C2orf49: variants seen among roughly 807,000 people sequenced by gnomAD.
C2orf49 encodes the protein tRNA splicing ligase complex subunit 2.
Under a neutral mutation model 20.6 loss-of-function variants are expected in C2orf49, and 11 were observed. The ratio of observed to expected loss-of-function variants is 0.53; its 90% CI spans 0.34 to 0.88. The LOEUF (loss-of-function observed/expected upper bound fraction) is 0.88, where lower values mean the gene tolerates loss of function less well. C2orf49 is among the 40% of genes least tolerant of loss of function. The pLI is 0.02. For missense variants in C2orf49, 289 were observed against 274.2 expected (o/e 1.05, Z -0.38); for synonymous variants, 134 against 108.5 (o/e 1.24, Z -1.46).
At chr2:105,339,522 G>C in intron 1 of C2orf49, 61 bp from the exon 2 acceptor site, 1 of 1,471,108 alleles carries the variant, frequency 6.8e-7, no homozygotes, top group Non-Finnish European at 9.3e-7. Context: ...GTTAGGTAAG[G>C]TGGTTACTTG....
chr2:105,365,663 C>T, the C2orf49 span, among the ~76,000 whole-genome samples: 1 of 147,804 alleles, frequency 6.8e-6, no homozygotes, highest in South Asian at 2.1e-4. Context: ...AGTGAGACAC[C>T]GTCTCTACTA....
the C2orf49 span, among the ~76,000 whole-genome samples, chr2:105,362,828 A>G: frequency 6.6e-6 from 1 of 152,238 alleles, no homozygotes; most frequent in African/African-American, 2.4e-5. Context: ...AAAACTCCTT[A>G]GAATGTACCC....
chr2:105,379,254 G>A, the C2orf49 span, among the ~76,000 whole-genome samples: 3 of 152,150 alleles, frequency 2.0e-5, no homozygotes, highest in Non-Finnish European at 2.9e-5. Flanking sequence ...ACAGTTGCTG[G>A]TATGTATTAC....
rs750576144 is a variant in C2orf49, at chr2:105,342,948, A to G, written c.367A>G (p.Asn123Asp). The change falls in exon 3 of 4, where the codon AAT (asparagine) becomes GAT (aspartate). Residue 123 changes from asparagine to aspartate, a missense_variant. Coordinates refer to ENST00000258457, the MANE Select transcript of C2orf49 (RefSeq NM_024093.3). ...AGTGAAAAAGACAGAGAATGGAGAT[A>G]ATGATCGACTGAAGCCTCCCCCGCA... is the stretch of plus-strand genomic sequence containing the variant. The part of the protein sequence containing the change: ...IKVKKTENGD[N>D]DRLKPPPQAS... 6.2e-7 allele frequency: 1 copy of G among 1,614,252 alleles called. No individual in the cohort carries two copies. The highest frequency in any genetic ancestry group is 8.5e-7 in the Non-Finnish European group (1 of 1,180,048).
downstream of C2orf49, among the ~76,000 whole-genome samples, chr2:105,351,157 A>G (rs1263862192): frequency 1.3e-5 from 2 of 152,084 alleles, no homozygotes; most frequent in African/African-American, 4.8e-5. Context: ...ACAGAGGTAA[A>G]TTGCCATTTT....
At chr2:105,342,368 A>G (rs1384163094) in intron 2 of C2orf49, among the ~76,000 whole-genome samples, 2 of 152,252 alleles carry the variant, frequency 1.3e-5, no homozygotes, top group East Asian at 3.8e-4. Context: ...AGTTACGATT[A>G]GTTTAGAAAA....
chr2:105,351,112 A>G (rs991963932), downstream of C2orf49, among the ~76,000 whole-genome samples: 1 of 152,116 alleles, frequency 6.6e-6, no homozygotes, highest in Non-Finnish European at 1.5e-5. Context: ...TTTTCTCATG[A>G]CTAGACTGGG....
At chr2:105,355,479 A>T in the C2orf49 span, among the ~76,000 whole-genome samples, 16 of 152,348 alleles carry the variant, frequency 1.1e-4, 1 homozygote, top group East Asian at 2.1e-3. Flanking sequence ...AGTCAGAGTT[A>T]TCCTTGCATA....
At chr2:105,356,872 G>C in the C2orf49 span, among the ~76,000 whole-genome samples, 1 of 152,118 alleles carries the variant, frequency 6.6e-6, no homozygotes, top group African/African-American at 2.4e-5. Context: ...TGAGTTTATT[G>C]AGCTTCTTGA....
At chr2:105,374,012 C>G in the C2orf49 span, 1 of 463,998 alleles carries the variant, frequency 2.2e-6, no homozygotes. Flanking sequence ...AAAGGGATTT[C>G]CCTTATGTAT....
chr2:105,373,616 A>G, the C2orf49 span: 63 of 1,614,094 alleles, frequency 3.9e-5, no homozygotes, highest in Non-Finnish European at 5.2e-5. Context: ...TTGGAATAGC[A>G]GTCTGTACAG....
the C2orf49 span, among the ~76,000 whole-genome samples, chr2:105,385,066 G>A: frequency 6.6e-6 from 1 of 152,196 alleles, no homozygotes; most frequent in South Asian, 2.1e-4. Flanking sequence ...TTTGCTTATG[G>A]TATTTCAAAG....
the C2orf49 span, among the ~76,000 whole-genome samples, chr2:105,366,284 G>A: frequency 6.6e-6 from 1 of 152,176 alleles, no homozygotes; most frequent in Admixed American, 6.5e-5. Context: ...ACTTAGAAAA[G>A]GTGTGGGCAA....
At chr2:105,381,358 C>G in the C2orf49 span, among the ~76,000 whole-genome samples, 1 of 152,176 alleles carries the variant, frequency 6.6e-6, no homozygotes. Context: ...CGTTAACTCA[C>G]TCAATTACCC....
intron 2 of C2orf49, among the ~76,000 whole-genome samples, chr2:105,342,612 T>C (rs1250907044): frequency 6.6e-6 from 1 of 152,246 alleles, no homozygotes; most frequent in Non-Finnish European, 1.5e-5. Context: ...TAGCTGCATG[T>C]TGTGTATACA....
At chr2:105,367,518 A>T in the C2orf49 span, 194 of 1,550,706 alleles carry the variant, frequency 1.3e-4, no homozygotes, top group Non-Finnish European at 8.8e-7. Flanking sequence ...GACATGGACC[A>T]TGGAGGCAAA....
chr2:105,374,152 T>C, the C2orf49 span: 2 of 255,702 alleles, frequency 7.8e-6, no homozygotes, highest in Admixed American at 1.0e-4. Context: ...ATCACTGTGG[T>C]CACCGGCATG....
chr2:105,377,171 G>T, the C2orf49 span, among the ~76,000 whole-genome samples: 1 of 152,150 alleles, frequency 6.6e-6, no homozygotes, highest in Non-Finnish European at 1.5e-5. Flanking sequence ...AATACTAGGC[G>T]TAAATGGGCT....
chr2:105,384,584 T>G, the C2orf49 span, among the ~76,000 whole-genome samples: 1 of 152,276 alleles, frequency 6.6e-6, no homozygotes, highest in South Asian at 2.1e-4. Flanking sequence ...CTCGGCTCAC[T>G]GTAACTTCTG....
Sources: allele counts gnomAD v4.1 joint callset (sites outside exome capture counted in the v4.1 genomes callset), GRCh38; gene constraint gnomAD v4.1.1; transcripts MANE v1.5; gene names NCBI Gene and HGNC (gene_info 2026-07-23, HGNC 2026-07-21).